The following ZNF592 variants were observed in gnomAD, a reference collection of about 807,000 sequenced individuals.
The protein encoded by ZNF592 is zinc finger protein 592, also known as spinocerebellar ataxia, autosomal recessive 5.
Under a neutral mutation model 80.3 loss-of-function variants are expected in ZNF592, and 11 were observed. That is an observed-to-expected ratio of 0.14 (90% CI 0.09 to 0.23). The LOEUF (loss-of-function observed/expected upper bound fraction) is 0.23. ZNF592 is among the 10% of genes least tolerant of loss of function. The probability of loss-of-function intolerance (pLI) is 1.00; values close to 1 mark genes in which losing one functional copy is unlikely to be tolerated. For missense variants in ZNF592, 1,420 were observed against 1,633.9 expected, an observed-to-expected ratio of 0.87 and a Z score of 2.26; for synonymous variants, 646 against 640.3, an observed-to-expected ratio of 1.01 and a Z score of -0.13.
chr15:84,802,551 C>T lies in ZNF592; in HGVS notation c.*158C>T, dbSNP rs1963132396. 1 of 860,648 alleles carries T rather than the reference C, an allele frequency of 1.2e-6. No homozygotes were observed. The highest frequency in any genetic ancestry group is 2.7e-5 in the East Asian group (1 of 37,476). The allele number at this position is 860,648 out of a possible 1,614,324, so 53.3% of individuals were successfully genotyped here. On this transcript the variant is annotated 3_prime_UTR_variant, in exon 11 of 11. Transcript: ENST00000560079. ...CTGAGCTGCCAGTGCTGGGTATCCC[C>T]CAGCCCCAGGAAATGTGGGGTCGGC...
chr15:84,777,699 T>C (rs1211228914), intron 2 of ZNF592, among the ~76,000 whole-genome samples: 6 of 137,430 alleles, frequency 4.4e-5, no homozygotes, highest in African/African-American at 1.4e-4. Flanking sequence ...AGATACTTTT[T>C]TTTTTTTTTT....
rs1278597218 is a variant in ZNF592 at position 84,801,922 on chromosome 15, C to T, written c.3333C>T (p.Gly1111=). 6.2e-6 allele frequency: 10 copies of T among 1,613,712 alleles called. No individual in the cohort carries two copies. The highest frequency in any genetic ancestry group is 8.5e-6 in the Non-Finnish European group (10 of 1,179,810). Residue 1111 remains glycine, a synonymous_variant, in exon 11 of 11, where the codon GGC becomes GGT. Coordinates refer to ENST00000560079, the MANE Select transcript of ZNF592 (RefSeq NM_014630.3). ...GGGACGCTCCAGGCACCAGCAATGGCGCAACTGTCTCTTCCACCAAAAGGC... is the reference window on the plus strand; with the variant it reads ...GGGACGCTCCAGGCACCAGCAATGGTGCAACTGTCTCTTCCACCAAAAGGC... ...GVGDAPGTSN[G]ATVSSTKRHK... is the part of the protein sequence containing the mutation.
At chr15:84,794,191 G>A (rs931408733) in intron 5 of ZNF592, among the ~76,000 whole-genome samples, 7 of 152,132 alleles carry the variant, frequency 4.6e-5, no homozygotes, top group Non-Finnish European at 8.8e-5. Flanking sequence ...GTATACCTAT[G>A]TAACAAACCT....
intron 4 of ZNF592, among the ~76,000 whole-genome samples, chr15:84,786,839 A>ATTT (rs1962597583): frequency 4.2e-5 from 4 of 96,278 alleles, no homozygotes; most frequent in African/African-American, 8.2e-5. Context: ...GTCCTTACGT[A>ATTT]TCTTTTTTTT....
chr15:84,755,506 G>A lies in ZNF592; in HGVS notation c.-259+6842G>A, dbSNP rs139892212. 1.9e-3 allele frequency among the ~76,000 whole-genome samples: 295 copies of A among 152,062 alleles called. 4 individuals carry two copies. The highest frequency in any genetic ancestry group is 6.9e-3 in the African/African-American group (285 of 41,468). ...AAAAATAAATCCACAGGCTCATCCA[G>A]AGAACACGAGACCTACATCCCAGGG... On this transcript the variant is annotated intron_variant, in intron 1 of 10. Coordinates refer to ENST00000560079, the MANE Select transcript of ZNF592 (RefSeq NM_014630.3).
At chr15:84,755,124 A>ATTTT (rs34356102) in intron 1 of ZNF592, among the ~76,000 whole-genome samples, 2 of 115,606 alleles carry the variant, frequency 1.7e-5, no homozygotes, top group Non-Finnish European at 3.5e-5. Context: ...CACCCAGCTA[A>ATTTT]TTTTTTTTTT....
rs1963012380 is a variant in ZNF592, at chr15:84,798,945, C to G, written c.3024+70C>G. ...ACTTCCTTCTGTGAAGCCAGAACCC[C>G]TAGGGTTCCTGGTGCTTAGGGCAGG... is the stretch of plus-strand genomic sequence containing the variant. On this transcript the variant is annotated intron_variant, in intron 8 of 10. Transcript: ENST00000560079. The surrounding 1 kb of genome is among the most constrained non-coding windows in gnomAD (Gnocchi z 4.5). 6.3e-7 allele frequency: 1 copy of G among 1,597,490 alleles called. No homozygotes were observed. Among genetic ancestry groups the G allele is most frequent in the East Asian group, 2.2e-5 (1 of 44,828 alleles).
At chr15:84,777,694 C>CTTTTTTT (rs397854471) in intron 2 of ZNF592, among the ~76,000 whole-genome samples, 3 of 98,426 alleles carry the variant, frequency 3.0e-5, no homozygotes, top group African/African-American at 7.6e-5. Context: ...TGTTGAGATA[C>CTTTTTTT]TTTTTTTTTT....
In ZNF592 at chr15:84,767,839, C is replaced by T. The variant is rs148906995; in HGVS notation, c.-150+3024C>T. ...ATTCAATGGTATTTCAGTTTGTTCACGGACTTGTATTTTCTTTTTTTTTAT... is the reference window on the plus strand; with the variant it reads ...ATTCAATGGTATTTCAGTTTGTTCATGGACTTGTATTTTCTTTTTTTTTAT... On this transcript the variant is annotated intron_variant, in intron 2 of 10. Transcript: ENST00000560079. 4.0e-3 allele frequency among the ~76,000 whole-genome samples: 608 copies of T among 150,324 alleles called. 2 individuals are homozygous for T. The highest frequency in any genetic ancestry group is 0.014 in the African/African-American group (576 of 41,410).
At position 84,767,664 on chromosome 15, in the gene ZNF592, A is replaced by G. The variant is rs542304781; in HGVS notation, c.-150+2849A>G. ...TCTGTGTAAACTGTGCTTGCTGCCT[A>G]TGCCTAGTTTCTGCTTGTCCCAGTC... is the stretch of plus-strand genomic sequence containing the variant. On this transcript the variant is annotated intron_variant, in intron 2 of 10. Transcript: ENST00000560079. Among the ~76,000 whole-genome samples, 14 of 152,058 alleles carry G rather than the reference A, an allele frequency of 9.2e-5. No homozygotes were observed. The South Asian group carries it at 2.7e-3, about 29-fold the overall frequency.
intron 2 of ZNF592, among the ~76,000 whole-genome samples, chr15:84,768,372 GGATTACAGGT>G (rs1899599555): frequency 6.6e-6 from 1 of 151,466 alleles, no homozygotes; most frequent in Admixed American, 6.6e-5. Context: ...CAAGTAGCTA[GGATTACAGGT>G]GTGCACCACC....
chr15:84,785,636 G>T (rs1363467761), intron 4 of ZNF592, among the ~76,000 whole-genome samples: 2 of 152,154 alleles, frequency 1.3e-5, no homozygotes, highest in Non-Finnish European at 2.9e-5. Flanking sequence ...TTAATAAGTT[G>T]TTGTTCTGCC....
At chr15:84,796,771 A>G (rs1414572404) in intron 5 of ZNF592, among the ~76,000 whole-genome samples, 1 of 152,190 alleles carries the variant, frequency 6.6e-6, no homozygotes, top group African/African-American at 2.4e-5. Flanking sequence ...AAAAATGAAA[A>G]GTTATCCCCA....
chr15:84,766,783 T>A (rs1419070158), intron 2 of ZNF592, among the ~76,000 whole-genome samples: 3 of 149,960 alleles, frequency 2.0e-5, no homozygotes, highest in Non-Finnish European at 3.0e-5. Flanking sequence ...AGAGAAACTT[T>A]ACCAGCCCTT....
chr15:84,782,407 G>A (rs1326590986), intron 3 of ZNF592, among the ~76,000 whole-genome samples: 2 of 152,130 alleles, frequency 1.3e-5, no homozygotes, highest in Non-Finnish European at 2.9e-5. Flanking sequence ...CCAATTTCCA[G>A]GTACTGAGGT....
intron 1 of ZNF592, among the ~76,000 whole-genome samples, chr15:84,751,019 A>G (rs2141955137): frequency 6.6e-6 from 1 of 152,328 alleles, no homozygotes; most frequent in African/African-American, 2.4e-5. Context: ...GACTTTTGAG[A>G]TAAGCAGGTA....
chr15:84,796,969 C>T lies in ZNF592; in HGVS notation c.2400-900C>T, dbSNP rs75894809. Among the ~76,000 whole-genome samples the T allele has an allele frequency of 9.4e-3, 1,428 of 152,092 alleles. 9 individuals are homozygous for T. Among genetic ancestry groups the T allele is most frequent in the Non-Finnish European group, 0.012 (843 of 67,980 alleles). ...GCCACATGAACAGTGGAGCTTCCCCCGCTCCCCCCCAAGAGACAGGTTCTC... is the reference window on the plus strand; with the variant it reads ...GCCACATGAACAGTGGAGCTTCCCCTGCTCCCCCCCAAGAGACAGGTTCTC... On this transcript the variant is annotated intron_variant, in intron 5 of 10. Transcript: ENST00000560079.
At chr15:84,786,329 A>G (rs980617175) in intron 4 of ZNF592, among the ~76,000 whole-genome samples, 3 of 152,190 alleles carry the variant, frequency 2.0e-5, no homozygotes, top group Non-Finnish European at 2.9e-5. Context: ...CTAATTCACG[A>G]TGACTCCATG....
chr15:84,801,961 T>C lies in ZNF592; in HGVS notation c.3372T>C (p.Phe1124=), dbSNP rs778570042. 1 of 1,613,976 alleles carries C rather than the reference T, an allele frequency of 6.2e-7. No homozygotes were observed. Among genetic ancestry groups the C allele is most frequent in the Non-Finnish European group, 8.5e-7 (1 of 1,179,864 alleles). The change falls in exon 11 of 11, where the codon TTT becomes TTC. Residue 1124 remains phenylalanine, a synonymous_variant. Transcript: ENST00000560079. The part of the protein sequence containing the change: ...VSSTKRHKSL[F]QCAKCSFATD... ...CCACCAAAAGGCACAAGTCCCTTTTTCAGTGCGCGAAATGTAGTTTTGCCA... is the reference window on the plus strand; with the variant it reads ...CCACCAAAAGGCACAAGTCCCTTTTCCAGTGCGCGAAATGTAGTTTTGCCA...
Sources: allele counts gnomAD v4.1 joint callset (sites outside exome capture counted in the v4.1 genomes callset), GRCh38; gene constraint gnomAD v4.1.1; non-coding constraint Gnocchi (gnomAD v3.1); transcripts MANE v1.5; gene names NCBI Gene and HGNC (gene_info 2026-07-23, HGNC 2026-07-21).